SLC39A10: variants seen among roughly 807,000 people sequenced by gnomAD.
SLC39A10 encodes the protein solute carrier family 39 member 10, also known as zinc transporter ZIP10.
Under a neutral mutation model 65.1 loss-of-function variants are expected in SLC39A10, and 13 were observed. The ratio of observed to expected loss-of-function variants is 0.20; its 90% CI spans 0.13 to 0.32. The LOEUF (loss-of-function observed/expected upper bound fraction) is 0.32, where lower values mean the gene tolerates loss of function less well. Ranked by LOEUF, SLC39A10 falls within the 10% of genes least tolerant of loss-of-function variation. The pLI is 1.00. For missense variants in SLC39A10, 831 were observed against 1,018.4 expected, an observed-to-expected ratio of 0.82 and a Z score of 2.50; for synonymous variants, 321 against 342.2, an observed-to-expected ratio of 0.94 and a Z score of 0.68.
intron 3 of SLC39A10, among the ~76,000 whole-genome samples, chr2:195,687,157 C>G (rs1193688278): frequency 6.6e-6 from 1 of 151,892 alleles, no homozygotes; most frequent in Non-Finnish European, 1.5e-5. Flanking sequence ...CCCTGAGAGG[C>G]CTAGTCCCTC....
At chr2:195,661,891 T>C (rs575496781) in intron 1 of SLC39A10, among the ~76,000 whole-genome samples, 1 of 152,324 alleles carries the variant, frequency 6.6e-6, no homozygotes, top group East Asian at 1.9e-4. Context: ...TAATCATGTT[T>C]TATAATTACT....
intron 2 of SLC39A10, among the ~76,000 whole-genome samples, chr2:195,616,143 C>T (rs754932589): frequency 6.6e-6 from 1 of 151,976 alleles, no homozygotes; most frequent in South Asian, 2.1e-4. Context: ...TCAGTAGAGA[C>T]GGGTTTTCAC....
At chr2:195,696,366 T>C (rs771678324) in intron 3 of SLC39A10, among the ~76,000 whole-genome samples, 1 of 151,434 alleles carries the variant, frequency 6.6e-6, no homozygotes, top group Non-Finnish European at 1.5e-5. Flanking sequence ...AGGGATTGCA[T>C]TGAATCTGTA....
intron 1 of SLC39A10, among the ~76,000 whole-genome samples, chr2:195,669,411 T>C (rs1423138244): frequency 1.3e-5 from 2 of 152,226 alleles, no homozygotes; most frequent in Non-Finnish European, 2.9e-5. Flanking sequence ...AAATAACAGC[T>C]TAATCACGTT....
At chr2:195,716,510 G>T in intron 6 of SLC39A10, 127 bp from the exon 7 acceptor site, 2 of 729,856 alleles carry the variant, frequency 2.7e-6, no homozygotes, top group South Asian at 3.3e-5. Context: ...AATAATTTTA[G>T]GAAATTATTT....
chr2:195,614,277 T>C (rs1377249619), intron 2 of SLC39A10, among the ~76,000 whole-genome samples: 6 of 152,252 alleles, frequency 3.9e-5, no homozygotes, highest in African/African-American at 7.2e-5. Context: ...GCACCAGTTA[T>C]ACATCTAACC....
intron 2 of SLC39A10, among the ~76,000 whole-genome samples, chr2:195,636,320 A>G (rs1054992790): frequency 1.3e-5 from 2 of 152,206 alleles, no homozygotes; most frequent in African/African-American, 4.8e-5. Flanking sequence ...TCTGTAAAAT[A>G]TTGTTATATC....
intron 7 of SLC39A10, chr2:195,717,267 A>G: frequency 2.8e-6 from 1 of 358,050 alleles, no homozygotes; most frequent in South Asian, 8.7e-5. Context: ...ACCATATTGA[A>G]AAAACTGCTT....
At chr2:195,642,912 T>G (rs1688840936) in intron 2 of SLC39A10, among the ~76,000 whole-genome samples, 1 of 151,658 alleles carries the variant, frequency 6.6e-6, no homozygotes, top group Admixed American at 6.6e-5. Context: ...ACTAGAGAGG[T>G]TAATGAAAAA....
intron 2 of SLC39A10, among the ~76,000 whole-genome samples, chr2:195,623,720 T>C (rs1443879654): frequency 1.3e-5 from 2 of 152,234 alleles, no homozygotes; most frequent in African/African-American, 2.4e-5. Flanking sequence ...GAATTTACCA[T>C]ATTATACACT....
rs1376931237 is a variant in SLC39A10 at position 195,713,444 on chromosome 2, A to G, written c.1587A>G (p.Lys529=). 1.3e-6 allele frequency: 2 copies of G among 1,553,418 alleles called. No individual in the cohort carries two copies. Among genetic ancestry groups the G allele is most frequent in the Non-Finnish European group, 1.7e-6 (2 of 1,160,460 alleles). The stretch of plus-strand genomic sequence containing the variant: ...TTTTCTTTTTTTAGGGAAAACAGAA[A>G]TGGTTTATGAAACAGAACACAGAAG... The part of the protein sequence containing the change: ...KHYKQQRGKQ[K]WFMKQNTEES... Residue 529 remains lysine, a synonymous_variant, in exon 6 of 10, where the codon AAA becomes AAG. Transcript: ENST00000359634.
In SLC39A10 at chr2:195,728,292, A is replaced by G. The variant is rs754998647; in HGVS notation, c.2280A>G (p.Thr760=). 94 of 1,613,896 alleles carry G rather than the reference A, an allele frequency of 5.8e-5. No individual in the cohort carries two copies. The highest frequency in any genetic ancestry group is 7.5e-5 in the Non-Finnish European group (88 of 1,179,910). ...TTGGTCAGTATGCCAATAACATCAC[A>G]CTTTGGATCTTTGCAGTCACTGCAG... ...TAVGQYANNI[T]LWIFAVTAGM... is the part of the protein sequence containing the mutation. The change falls in exon 9 of 10, where the codon ACA becomes ACG. Residue 760 remains threonine (T), a synonymous_variant. Coordinates refer to ENST00000359634, the MANE Select transcript of SLC39A10 (RefSeq NM_020342.3). This position sits in a 1 kb window ranked among gnomAD's most constrained non-coding sequence, Gnocchi z 4.4.
intron 1 of SLC39A10, among the ~76,000 whole-genome samples, chr2:195,671,115 C>G (rs1318386323): frequency 6.6e-6 from 1 of 152,176 alleles, no homozygotes; most frequent in Admixed American, 6.5e-5. Flanking sequence ...AATCACTTCA[C>G]TACATATTTA....
At chr2:195,727,591 T>C (rs1052512667) in intron 8 of SLC39A10, among the ~76,000 whole-genome samples, 7 of 152,198 alleles carry the variant, frequency 4.6e-5, no homozygotes, top group African/African-American at 1.4e-4. Context: ...GTTACCTCTG[T>C]TCTTCCTTAG....
chr2:195,690,362 G>C (rs1189162614), intron 3 of SLC39A10, among the ~76,000 whole-genome samples: 1 of 151,982 alleles, frequency 6.6e-6, no homozygotes, highest in South Asian at 2.1e-4. Context: ...CTCTCTCTCT[G>C]AGACCCTGTT....
intron 6 of SLC39A10, 46 bp downstream of exon 6, chr2:195,713,599 T>C (rs760452024): frequency 2.6e-6 from 4 of 1,537,234 alleles, no homozygotes; most frequent in Non-Finnish European, 2.6e-6. Flanking sequence ...CTTTTTTTTT[T>C]TTCATTCAAA....
intron 1 of SLC39A10, among the ~76,000 whole-genome samples, chr2:195,658,816 A>G (rs971280307): frequency 6.6e-6 from 1 of 152,226 alleles, no homozygotes. Context: ...GAAACATATA[A>G]TATCAGTGAT....
Position 195,735,048 on chromosome 2 carries a change from C to T in SLC39A10, c.*7C>T, listed in dbSNP as rs1291662309. On this transcript the variant is annotated 3_prime_UTR_variant, in exon 10 of 10. Transcript: ENST00000359634. ...GTTTGACATCCAGTTTTGACCTTTC[C>T]CAGTAATCACTGTTGATTACGAGAA... The T allele has an allele frequency of 6.2e-7, 1 of 1,607,960 alleles. No individual in the cohort carries two copies. The highest frequency in any genetic ancestry group is 1.7e-5 in the Admixed American group (1 of 59,040).
In SLC39A10 at chr2:195,694,978, C is replaced by T. The variant is rs370015198; in HGVS notation, c.1216+11072C>T. Among the ~76,000 whole-genome samples, 10 of 152,266 alleles carry T rather than the reference C, an allele frequency of 6.6e-5. 1 individual carries two copies. In the East Asian group the frequency reaches 9.7e-4, roughly 15 times the overall value. ...AAAGAAATGGGGAAAACAGACTCTC[C>T]GCGGGGCCGGAGTCCCTGCTAAAGT... On this transcript the variant is annotated intron_variant, in intron 3 of 9. Transcript: ENST00000359634.
Sources: allele counts gnomAD v4.1 joint callset (sites outside exome capture counted in the v4.1 genomes callset), GRCh38; gene constraint gnomAD v4.1.1; non-coding constraint Gnocchi (gnomAD v3.1); transcripts MANE v1.5; gene names NCBI Gene and HGNC (gene_info 2026-07-23, HGNC 2026-07-21).